Variants in ARHGAP15 observed in about 807,000 individuals in gnomAD.
ARHGAP15 encodes rho GTPase-activating protein 15.
Under a neutral mutation model 63.7 loss-of-function variants are expected in ARHGAP15, and 51 were observed. The observed-to-expected ratio is 0.80, with a 90% CI of 0.64 to 1.01. The LOEUF is 1.01. Among genes scored for constraint, ARHGAP15 ranks in the 50% least tolerant of loss-of-function variants. The pLI, the probability that ARHGAP15 is intolerant of heterozygous loss-of-function variation, is 0.00. For synonymous variants in ARHGAP15, 191 were observed against 193.8 expected (o/e 0.99, Z 0.12); for missense variants, 560 against 564.6 (o/e 0.99, Z 0.08).
intron 6 of ARHGAP15, among the ~76,000 whole-genome samples, chr2:143,374,756 G>A (rs1296659231): frequency 6.6e-6 from 1 of 152,126 alleles, no homozygotes; most frequent in African/African-American, 2.4e-5. Flanking sequence ...TCCTGCCTTG[G>A]CTTCCCAAAG....
At chr2:143,619,513 A>C (rs1189891259) in intron 11 of ARHGAP15, among the ~76,000 whole-genome samples, 4 of 152,188 alleles carry the variant, frequency 2.6e-5, no homozygotes, top group Non-Finnish European at 5.9e-5. Context: ...GGGCCAGGAG[A>C]AACCAGCACA....
intron 6 of ARHGAP15, among the ~76,000 whole-genome samples, chr2:143,381,604 T>C (rs1425156358): frequency 6.6e-6 from 1 of 152,204 alleles, no homozygotes; most frequent in Non-Finnish European, 1.5e-5. Context: ...TTTTTACAGC[T>C]GGTACTGCTT....
chr2:143,230,958 A>G (rs1693409559), intron 5 of ARHGAP15, among the ~76,000 whole-genome samples: 1 of 152,128 alleles, frequency 6.6e-6, no homozygotes, highest in South Asian at 2.1e-4. Flanking sequence ...AAAAGAATAA[A>G]TGGTATTTTA....
chr2:143,288,479 C>A lies in ARHGAP15; in HGVS notation c.474+37879C>A, dbSNP rs576737151. On this transcript the variant is annotated intron_variant, in intron 6 of 13. Transcript: ENST00000295095. ...TAGTGTTGCACAATTTTTTTGAGCACTAGCTTATCTTAAGGCTTTCTGAAT... is the reference window on the plus strand; with the variant it reads ...TAGTGTTGCACAATTTTTTTGAGCAATAGCTTATCTTAAGGCTTTCTGAAT... 1.1e-4 allele frequency among the ~76,000 whole-genome samples: 16 copies of A among 152,150 alleles called. 1 individual carries two copies. The South Asian group carries it at 1.9e-3, about 18-fold the overall frequency.
At chr2:143,499,320 C>T (rs1222055810) in intron 9 of ARHGAP15, among the ~76,000 whole-genome samples, 2 of 152,050 alleles carry the variant, frequency 1.3e-5, no homozygotes, top group Non-Finnish European at 2.9e-5. Context: ...ACAGATGCCT[C>T]GAGATATTAA....
chr2:143,133,397 C>T lies in ARHGAP15; in HGVS notation c.-15+3931C>T, dbSNP rs143358992. Among the ~76,000 whole-genome samples, 139 of 152,220 alleles carry T rather than the reference C, an allele frequency of 9.1e-4. 2 individuals carry two copies. Among genetic ancestry groups the T allele is most frequent in the South Asian group, 4.8e-3 (23 of 4,826 alleles). Reference sequence around the variant, plus strand: ...TATAAGTAACAGCAGGGTTTTTGAGCAGGGGAGATACGTAATTGGATGTCC... The same window carrying T: ...TATAAGTAACAGCAGGGTTTTTGAGTAGGGGAGATACGTAATTGGATGTCC... On this transcript the variant is annotated intron_variant, in intron 1 of 13. Coordinates refer to ENST00000295095, the MANE Select transcript of ARHGAP15 (RefSeq NM_018460.4).
chr2:143,652,342 C>A (rs1282281077), intron 12 of ARHGAP15, among the ~76,000 whole-genome samples: 1 of 152,018 alleles, frequency 6.6e-6, no homozygotes, highest in Non-Finnish European at 1.5e-5. Flanking sequence ...GGCTGTAAAG[C>A]TTTATTTACA....
intron 13 of ARHGAP15, among the ~76,000 whole-genome samples, chr2:143,705,212 T>C (rs1040329133): frequency 6.6e-6 from 1 of 152,204 alleles, no homozygotes; most frequent in Non-Finnish European, 1.5e-5. Context: ...ATCTGACTCA[T>C]CATTTTCTGT....
chr2:143,304,270 A>G (rs572206105), intron 6 of ARHGAP15, among the ~76,000 whole-genome samples: 7 of 152,326 alleles, frequency 4.6e-5, no homozygotes, highest in African/African-American at 1.4e-4. Flanking sequence ...AATACTATGC[A>G]GCCATAAAAA....
chr2:143,590,826 A>G (rs1051930551), intron 11 of ARHGAP15, among the ~76,000 whole-genome samples: 4 of 152,206 alleles, frequency 2.6e-5, no homozygotes. Flanking sequence ...TTTTTTATTA[A>G]TTGGCAAAAA....
At chr2:143,684,845 G>A (rs1212437788) in intron 12 of ARHGAP15, among the ~76,000 whole-genome samples, 1 of 152,168 alleles carries the variant, frequency 6.6e-6, no homozygotes, top group African/African-American at 2.4e-5. Flanking sequence ...TCCTTGTTGA[G>A]GATTTTGGCT....
intron 6 of ARHGAP15, among the ~76,000 whole-genome samples, chr2:143,300,728 C>T (rs1682856265): frequency 1.3e-5 from 2 of 152,008 alleles, no homozygotes; most frequent in Admixed American, 1.3e-4. Context: ...CATCTCATCC[C>T]CTTACATTCC....
At chr2:143,153,879 C>CTCT (rs1689971476) in intron 1 of ARHGAP15, among the ~76,000 whole-genome samples, 18 of 74,172 alleles carry the variant, frequency 2.4e-4, no homozygotes, top group South Asian at 8.7e-4. Context: ...CCTCTTCCTC[C>CTCT]TCCTCCTCCT....
In ARHGAP15 at chr2:143,519,343, A is replaced by T. The variant is rs1412765375; in HGVS notation, c.904A>T (p.Ile302Phe). Residue 302 changes from isoleucine to phenylalanine, a missense_variant, in exon 10 of 14, where the codon ATT becomes TTT. By Grantham distance (21) the Ile-to-Phe change is conservative (BLOSUM62 0). Coordinates refer to ENST00000295095, the MANE Select transcript of ARHGAP15 (RefSeq NM_018460.4). The part of the protein sequence containing the change: ...STVPWFVKQC[I>F]EAVEKRGLDV... Reference sequence around the variant, plus strand: ...AGTTCCGTGGTTTGTAAAGCAATGCATTGAAGCTGTTGAGAAAAGAGGTGG... The same window carrying T: ...AGTTCCGTGGTTTGTAAAGCAATGCTTTGAAGCTGTTGAGAAAAGAGGTGG... 1 of 1,612,890 alleles carries T rather than the reference A, an allele frequency of 6.2e-7. No individual in the cohort carries two copies.
intron 13 of ARHGAP15, among the ~76,000 whole-genome samples, chr2:143,747,971 G>T (rs1384999776): frequency 2.6e-5 from 4 of 152,130 alleles, no homozygotes; most frequent in Non-Finnish European, 4.4e-5. Flanking sequence ...ACTATCATTT[G>T]TGTTCTTAAA....
intron 8 of ARHGAP15, among the ~76,000 whole-genome samples, chr2:143,471,197 C>A (rs1020156425): frequency 4.3e-5 from 6 of 140,018 alleles, no homozygotes; most frequent in Non-Finnish European, 3.2e-5. Context: ...TATATACACA[C>A]ATATATGTGT....
chr2:143,334,620 T>G (rs140490300), intron 6 of ARHGAP15, among the ~76,000 whole-genome samples: 1 of 152,334 alleles, frequency 6.6e-6, no homozygotes, highest in East Asian at 1.9e-4. Flanking sequence ...TGTGATTTTT[T>G]TCCTGTTATG....
intron 6 of ARHGAP15, among the ~76,000 whole-genome samples, chr2:143,370,689 C>T (rs1408749602): frequency 2.0e-5 from 3 of 152,130 alleles, no homozygotes; most frequent in African/African-American, 7.2e-5. Context: ...TTAACTCTGA[C>T]AAGCATCTAC....
intron 12 of ARHGAP15, among the ~76,000 whole-genome samples, chr2:143,632,938 G>A (rs955045081): frequency 2.0e-5 from 3 of 152,098 alleles, no homozygotes; most frequent in South Asian, 2.1e-4. Context: ...GACTAAAAAC[G>A]GTTGCTAAAC....
Sources: gnomAD v4.1 joint callset for allele counts (sites outside exome capture counted in the v4.1 genomes callset) on GRCh38, gnomAD v4.1.1 for gene constraint, MANE v1.5 for transcripts, NCBI Gene and HGNC (gene_info 2026-07-23, HGNC 2026-07-21) for gene names.